TNFRSF10B: variants seen among roughly 807,000 people sequenced by gnomAD.
TNFRSF10B encodes tumor necrosis factor receptor superfamily member 10B.
Under a neutral mutation model 41.4 loss-of-function variants are expected in TNFRSF10B, and 35 were observed. The observed-to-expected ratio is 0.85, with a 90% CI of 0.65 to 1.12. The LOEUF (loss-of-function observed/expected upper bound fraction) is 1.12. Among genes scored for constraint, TNFRSF10B ranks in the 50% most tolerant of loss-of-function variants. The probability of loss-of-function intolerance (pLI) is 0.00; values close to 1 mark genes in which losing one functional copy is unlikely to be tolerated. For missense variants in TNFRSF10B, 584 were observed against 552.7 expected (o/e 1.06, Z -0.57); for synonymous variants, 230 against 215.5 (o/e 1.07, Z -0.59).
intron 1 of TNFRSF10B, among the ~76,000 whole-genome samples, chr8:23,060,898 A>ATT (rs1812813290): frequency 6.6e-6 from 1 of 151,874 alleles, no homozygotes; most frequent in South Asian, 2.1e-4. Context: ...TTGTAAATGG[A>ATT]TTTTTTCCTA....
At chr8:23,066,553 A>C (rs1279191236) in intron 1 of TNFRSF10B, among the ~76,000 whole-genome samples, 1 of 152,134 alleles carries the variant, frequency 6.6e-6, no homozygotes, top group Non-Finnish European at 1.5e-5. Context: ...ATATAATAAG[A>C]TCTCAGTCAC....
chr8:23,047,177 G>A (rs1812388689), intron 1 of TNFRSF10B, among the ~76,000 whole-genome samples: 4 of 152,178 alleles, frequency 2.6e-5, no homozygotes, highest in Non-Finnish European at 1.5e-5. Flanking sequence ...GATCAACATG[G>A]AGAAACCCCA....
chr8:23,036,161 T>C (rs189008751), intron 2 of TNFRSF10B, among the ~76,000 whole-genome samples: 2 of 152,346 alleles, frequency 1.3e-5, no homozygotes, highest in East Asian at 1.9e-4. Context: ...TGGTTAACCA[T>C]AGGCCACCAA....
chr8:23,063,025 A>C (rs1157777178), intron 1 of TNFRSF10B, among the ~76,000 whole-genome samples: 1 of 152,182 alleles, frequency 6.6e-6, no homozygotes, highest in Non-Finnish European at 1.5e-5. Context: ...TCATATTTCT[A>C]TTCCTGATGA....
In TNFRSF10B at chr8:23,033,707, A is replaced by G. The variant is rs148590819; in HGVS notation, c.251-2835T>C. ...TGCTATAATAAAATACCATAGACCA[A>G]GTGGCTTAAACAATAGACATTTATT... is the stretch of plus-strand genomic sequence containing the variant. On this transcript the variant is annotated intron_variant, in intron 2 of 8. Coordinates refer to ENST00000276431, the MANE Select transcript of TNFRSF10B (RefSeq NM_003842.5). Among the ~76,000 whole-genome samples, 69 of 151,820 alleles carry G rather than the reference A, an allele frequency of 4.5e-4. 1 individual carries two copies. Among genetic ancestry groups the G allele is most frequent in the Non-Finnish European group, 9.1e-4 (62 of 67,924 alleles).
chr8:23,045,440 T>C (rs1228310008), intron 1 of TNFRSF10B, among the ~76,000 whole-genome samples: 1 of 152,144 alleles, frequency 6.6e-6, no homozygotes, highest in African/African-American at 2.4e-5. Context: ...GAATCAGTAA[T>C]GAAAAGTCTC....
chr8:23,055,766 GT>G (rs1291768317), intron 1 of TNFRSF10B, among the ~76,000 whole-genome samples: 1 of 152,074 alleles, frequency 6.6e-6, no homozygotes, highest in Non-Finnish European at 1.5e-5. Flanking sequence ...GTTTAGCAGG[GT>G]AATCACCCCA....
intron 1 of TNFRSF10B, among the ~76,000 whole-genome samples, chr8:23,056,954 C>T (rs1442638200): frequency 6.6e-6 from 1 of 151,608 alleles, no homozygotes; most frequent in Non-Finnish European, 1.5e-5. Context: ...ACCATCTTCA[C>T]TAGAAGAGAA....
At position 23,028,370 on chromosome 8, in the gene TNFRSF10B, A is replaced by G; in HGVS notation, c.709T>C (p.Trp237Arg). Residue 237 changes from tryptophan to arginine, a missense_variant, in exon 5 of 9, where the codon TGG becomes CGG. Physicochemically the swap from Trp to Arg is moderately radical, Grantham distance 101. Coordinates refer to ENST00000276431, the MANE Select transcript of TNFRSF10B (RefSeq NM_003842.5). ...TTCAGGTAAGGAAGGACTTTCTTCC[A>G]CAGTAAAGACTTGCAAACAAACACA... ...VAVFVCKSLL[W>R]KKVLPYLKGI... The G allele has an allele frequency of 6.2e-7, 1 of 1,614,190 alleles. No individual in the cohort carries two copies. Among genetic ancestry groups the G allele is most frequent in the Non-Finnish European group, 8.5e-7 (1 of 1,180,034 alleles).
Position 23,068,774 on chromosome 8 carries a change from C to A in TNFRSF10B, c.121G>T (p.Val41Phe). The change falls in exon 1 of 9, where the codon GTT becomes TTT. Residue 41 changes from valine to phenylalanine, a missense_variant. Val to Phe is a conservative substitution (Grantham distance 50). Transcript: ENST00000276431. ...ACCAACAGCAGGACCGCGGCGACAA[C>A]GAGCACAAGGGTCTTGGGGACCCGG... ...GPRVPKTLVL[V>F]VAAVLLLVSA... 1 of 1,600,736 alleles carries A rather than the reference C, an allele frequency of 6.2e-7. No individual in the cohort carries two copies. Among genetic ancestry groups the A allele is most frequent in the Non-Finnish European group, 8.5e-7 (1 of 1,173,920 alleles).
chr8:23,057,699 C>T (rs1812712339), intron 1 of TNFRSF10B, among the ~76,000 whole-genome samples: 1 of 152,106 alleles, frequency 6.6e-6, no homozygotes, highest in Non-Finnish European at 1.5e-5. Context: ...TCCCAAAGTG[C>T]TGGGTAAATT....
chr8:23,033,455 C>T lies in TNFRSF10B; in HGVS notation c.251-2583G>A, dbSNP rs1208484936. ...AAAAAAAATTAGCCGGGCGAGGTGGCGGGCGCCTGTAGTCCCAGCTACTCG... is the reference window on the plus strand; with the variant it reads ...AAAAAAAATTAGCCGGGCGAGGTGGTGGGCGCCTGTAGTCCCAGCTACTCG... On this transcript the variant is annotated intron_variant, in intron 2 of 8. Transcript: ENST00000276431. Among the ~76,000 whole-genome samples the T allele has an allele frequency of 6.6e-5, 10 of 151,684 alleles. No homozygotes were observed. In the East Asian group the frequency reaches 1.6e-3, roughly 24 times the overall value.
chr8:23,041,269 C>A (rs1010320841), intron 2 of TNFRSF10B, among the ~76,000 whole-genome samples: 3 of 152,134 alleles, frequency 2.0e-5, no homozygotes, highest in Non-Finnish European at 4.4e-5. Flanking sequence ...GTTGGTCAGG[C>A]TGGTGTCAAA....
rs1435570553 is a variant in TNFRSF10B at position 23,059,130 on chromosome 8, T to G, written c.144+9621A>C. Among the ~76,000 whole-genome samples the G allele has an allele frequency of 3.3e-5, 5 of 152,356 alleles. No homozygotes were observed. The South Asian group carries it at 6.2e-4, about 19-fold the overall frequency. On this transcript the variant is annotated intron_variant, in intron 1 of 8. Transcript: ENST00000276431. Reference sequence around the variant, plus strand: ...TGTCCTTTTATGAATGGCATTTTACTGAGCATGTCTTTAATGTTCATCCAT... The same window carrying G: ...TGTCCTTTTATGAATGGCATTTTACGGAGCATGTCTTTAATGTTCATCCAT...
intron 1 of TNFRSF10B, among the ~76,000 whole-genome samples, chr8:23,052,667 G>A (rs1585223176): frequency 6.6e-6 from 1 of 152,180 alleles, no homozygotes; most frequent in Admixed American, 6.5e-5. Context: ...GGAAATAAGA[G>A]AGATATACAG....
At chr8:23,046,082 C>A (rs1206816601) in intron 1 of TNFRSF10B, among the ~76,000 whole-genome samples, 1 of 152,074 alleles carries the variant, frequency 6.6e-6, no homozygotes, top group Non-Finnish European at 1.5e-5. Context: ...GAAGTCCTAG[C>A]CAGAGCAATT....
chr8:23,043,296 C>T, intron 1 of TNFRSF10B, 53 bp from the exon 2 acceptor site: 3 of 1,438,700 alleles, frequency 2.1e-6, no homozygotes, highest in South Asian at 1.2e-5. Flanking sequence ...CTCACCCCTC[C>T]CAGGATCCAC....
intron 2 of TNFRSF10B, among the ~76,000 whole-genome samples, chr8:23,040,585 G>A (rs973395837): frequency 1.1e-4 from 17 of 150,812 alleles, no homozygotes; most frequent in Non-Finnish European, 1.2e-4. Context: ...AAGGTGATAA[G>A]GGAGGAACAA....
At chr8:23,052,577 C>A (rs566411752) in intron 1 of TNFRSF10B, among the ~76,000 whole-genome samples, 1 of 152,142 alleles carries the variant, frequency 6.6e-6, no homozygotes, top group East Asian at 1.9e-4. Flanking sequence ...TGAGCCACCA[C>A]GCCTGGCCAA....
Sources: allele counts gnomAD v4.1 joint callset (sites outside exome capture counted in the v4.1 genomes callset), GRCh38; gene constraint gnomAD v4.1.1; transcripts MANE v1.5; gene names NCBI Gene and HGNC (gene_info 2026-07-23, HGNC 2026-07-21).